PRKCB: variants seen among roughly 807,000 people sequenced by gnomAD.
PRKCB encodes protein kinase C beta type.
In PRKCB, 13 loss-of-function variants were observed where a neutral mutation model predicts 81.5. The observed-to-expected ratio is 0.16, with a 90% confidence interval of 0.10 to 0.25. The LOEUF is 0.25. PRKCB is among the 10% of genes least tolerant of loss of function. The pLI is 1.00. For synonymous variants in PRKCB, 335 were observed against 321.4 expected (o/e 1.04, Z -0.45); for missense variants, 509 against 875.7 (o/e 0.58, Z 5.29).
chr16:24,140,012 CT>C (rs1966884152), intron 9 of PRKCB, among the ~76,000 whole-genome samples: 1 of 152,206 alleles, frequency 6.6e-6, no homozygotes, highest in Non-Finnish European at 1.5e-5. Context: ...TTGCCTTCTC[CT>C]AAACAGACTG....
intron 5 of PRKCB, among the ~76,000 whole-genome samples, chr16:24,057,153 T>C (rs1423226715): frequency 7.2e-5 from 11 of 152,210 alleles, no homozygotes; most frequent in Admixed American, 7.2e-4. Flanking sequence ...ATCTTTATCT[T>C]GGATTGTTCA....
At chr16:23,863,308 G>A (rs922848731) in intron 2 of PRKCB, among the ~76,000 whole-genome samples, 11 of 150,022 alleles carry the variant, frequency 7.3e-5, no homozygotes, top group African/African-American at 2.7e-4. Flanking sequence ...TAGGGTGGAC[G>A]TGCTCCTTCT....
chr16:24,061,628 A>G (rs1472591416), intron 5 of PRKCB, among the ~76,000 whole-genome samples: 1 of 152,114 alleles, frequency 6.6e-6, no homozygotes, highest in East Asian at 1.9e-4. Flanking sequence ...ATTCTACATC[A>G]TTTTAGTACA....
chr16:24,193,181 G>A (rs1426965454), intron 16 of PRKCB, among the ~76,000 whole-genome samples: 1 of 151,766 alleles, frequency 6.6e-6, no homozygotes, highest in Non-Finnish European at 1.5e-5. Flanking sequence ...GGTGCCTCAC[G>A]CCTATAATCT....
intron 3 of PRKCB, among the ~76,000 whole-genome samples, chr16:23,992,397 G>A (rs1429285083): frequency 1.3e-5 from 2 of 152,138 alleles, no homozygotes; most frequent in Non-Finnish European, 2.9e-5. Context: ...GTAGTAAAGA[G>A]AGCCTGGATA....
intron 2 of PRKCB, among the ~76,000 whole-genome samples, chr16:23,860,804 G>A (rs1054943022): frequency 2.0e-5 from 3 of 152,236 alleles, no homozygotes; most frequent in South Asian, 2.1e-4. Flanking sequence ...CTACTCGGGA[G>A]GCTGAGGCAG....
At position 24,219,977 on chromosome 16, in the gene PRKCB, C is replaced by T. The variant is rs867995282; in HGVS notation, c.*5161C>T. On this transcript the variant is annotated 3_prime_UTR_variant, in exon 17 of 17. Transcript: ENST00000643927. ...ATTTGGCAGAGAGACAAGAGAGACACCTCCAACTTCGACAAAGAGTTCACC... is the reference window on the plus strand; with the variant it reads ...ATTTGGCAGAGAGACAAGAGAGACATCTCCAACTTCGACAAAGAGTTCACC... 6.2e-7 allele frequency: 1 copy of T among 1,614,058 alleles called. No homozygotes were observed. Among genetic ancestry groups the T allele is most frequent in the East Asian group, 2.2e-5 (1 of 44,852 alleles).
At chr16:24,110,510 C>CTTTTTTTT (rs1211090636) in intron 7 of PRKCB, among the ~76,000 whole-genome samples, 15 of 111,160 alleles carry the variant, frequency 1.3e-4, no homozygotes, top group African/African-American at 6.3e-4. Context: ...CATGCCCAAC[C>CTTTTTTTT]TTTTTTTTTT....
At chr16:24,040,049 G>A (rs530506171) in intron 5 of PRKCB, among the ~76,000 whole-genome samples, 4 of 152,284 alleles carry the variant, frequency 2.6e-5, no homozygotes, top group African/African-American at 7.2e-5. Context: ...GGACACTGCC[G>A]TTTGCCCTGA....
chr16:24,056,520 T>A (rs1965904229), intron 5 of PRKCB, among the ~76,000 whole-genome samples: 1 of 152,218 alleles, frequency 6.6e-6, no homozygotes, highest in South Asian at 2.1e-4. Flanking sequence ...TGAAATGTGA[T>A]CCTCGGTGTT....
intron 16 of PRKCB, among the ~76,000 whole-genome samples, chr16:24,199,661 A>G (rs920989745): frequency 2.0e-5 from 3 of 152,234 alleles, no homozygotes; most frequent in Non-Finnish European, 4.4e-5. Context: ...ATTAGAAAAT[A>G]TATTGCATTT....
At chr16:23,976,738 C>G (rs372652741) in intron 2 of PRKCB, among the ~76,000 whole-genome samples, 5 of 152,150 alleles carry the variant, frequency 3.3e-5, no homozygotes, top group African/African-American at 9.7e-5. Flanking sequence ...GTGTCCTGCT[C>G]TCTGCATCTT....
chr16:24,064,802 A>G (rs1966012311), intron 5 of PRKCB, among the ~76,000 whole-genome samples: 1 of 151,764 alleles, frequency 6.6e-6, no homozygotes, highest in East Asian at 1.9e-4. Flanking sequence ...TCCTTTTATC[A>G]TTCTGAAAGG....
At chr16:23,856,107 G>A (rs534397790) in intron 2 of PRKCB, among the ~76,000 whole-genome samples, 1 of 152,314 alleles carries the variant, frequency 6.6e-6, no homozygotes, top group South Asian at 2.1e-4. Context: ...GCTGGCACTG[G>A]AATATCATGG....
rs753941488 is a variant in PRKCB, at chr16:24,191,325, G to T, written c.1863+95G>T. The T allele has an allele frequency of 4.4e-6, 6 of 1,368,568 alleles. No homozygotes were observed. In the South Asian group the frequency reaches 7.7e-5, roughly 18 times the overall value. The allele number at this position is 1,368,568 out of a possible 1,614,324, so 84.8% of individuals were successfully genotyped here. A position where few individuals can be genotyped will look rare whatever the true frequency, so the allele number is the denominator to read the frequency against. ...TCCAAATGCTCCCTGAGGGGTAGAC[G>T]TCAATGTGTCTACTGGAACATGGGT... is the stretch of plus-strand genomic sequence containing the variant. On this transcript the variant is annotated intron_variant, in intron 16 of 16. Transcript: ENST00000643927.
intron 2 of PRKCB, among the ~76,000 whole-genome samples, chr16:23,887,980 T>G (rs1170317266): frequency 6.6e-6 from 1 of 152,180 alleles, no homozygotes; most frequent in Non-Finnish European, 1.5e-5. Flanking sequence ...AGGGTCCCCA[T>G]GATCTTCCCA....
Position 23,875,596 on chromosome 16 carries a change from C to T in PRKCB, c.205+38190C>T, listed in dbSNP as rs201160831. On this transcript the variant is annotated intron_variant, in intron 2 of 16. Transcript: ENST00000643927. ...ATCAAACACATATGTATATCACACA[C>T]ATATGTATGTATATCACACACATAT... Among the ~76,000 whole-genome samples the T allele has an allele frequency of 3.8e-3, 120 of 31,774 alleles. 21 individuals carry two copies. The highest frequency in any genetic ancestry group is 6.6e-3 in the African/African-American group (76 of 11,446). The allele number at this position is 31,774 out of a possible 152,430, so 20.8% of individuals were successfully genotyped here.
At chr16:23,866,284 C>T (rs576714942) in intron 2 of PRKCB, among the ~76,000 whole-genome samples, 5 of 152,108 alleles carry the variant, frequency 3.3e-5, no homozygotes, top group African/African-American at 4.8e-5. Context: ...TATCCCCATA[C>T]ACGTATCTTC....
chr16:23,850,492 A>G lies in PRKCB; in HGVS notation c.205+13086A>G, dbSNP rs549195682. On this transcript the variant is annotated intron_variant, in intron 2 of 16. Coordinates refer to ENST00000643927, the MANE Select transcript of PRKCB (RefSeq NM_002738.7). ...GACATTCTCCTGCCTCGGCCTCCCA[A>G]GCAGCTGGGATTACGGGCATGCACC... Among the ~76,000 whole-genome samples, 12 of 152,178 alleles carry G rather than the reference A, an allele frequency of 7.9e-5. No homozygotes were observed. The South Asian group carries it at 2.5e-3, about 32-fold the overall frequency.
Sources: gnomAD v4.1 joint callset for allele counts (sites outside exome capture counted in the v4.1 genomes callset) on GRCh38, gnomAD v4.1.1 for gene constraint, MANE v1.5 for transcripts, NCBI Gene and HGNC (gene_info 2026-07-23, HGNC 2026-07-21) for gene names.